Variants in SIK2 observed in about 807,000 individuals in gnomAD.
The protein encoded by SIK2 is serine/threonine-protein kinase SIK2.
In SIK2, 29 loss-of-function variants were observed where a neutral mutation model predicts 103.2. The ratio of observed to expected loss-of-function variants is 0.28; its 90% CI spans 0.21 to 0.38. The LOEUF is 0.38. SIK2 is among the 10% of genes least tolerant of loss of function. The probability of loss-of-function intolerance (pLI) is 1.00; values close to 1 mark genes in which losing one functional copy is unlikely to be tolerated. For missense variants in SIK2, 879 were observed against 1,171.0 expected, an observed-to-expected ratio of 0.75 and a Z score of 3.64; for synonymous variants, 412 against 446.1, an observed-to-expected ratio of 0.92 and a Z score of 0.96.
chr11:111,720,540 G>A lies in SIK2; in HGVS notation c.1558G>A (p.Gly520Arg). 1 of 1,613,964 alleles carries A rather than the reference G, an allele frequency of 6.2e-7. No homozygotes were observed. Among genetic ancestry groups the A allele is most frequent in the South Asian group, 1.1e-5 (1 of 91,038 alleles). ...LDSVDSEYDM[G>R]SVQRDLNFLE... ...CAGTGTGGACTCTGAGTATGATATG[G>A]GGTCTGTTCAGAGGGACCTGAACTT... The change falls in exon 11 of 15, where the codon GGG becomes AGG. Residue 520 changes from glycine to arginine, a missense_variant. Transcript: ENST00000304987.
chr11:111,641,085 A>G (rs1942176919), intron 3 of SIK2, among the ~76,000 whole-genome samples: 1 of 152,186 alleles, frequency 6.6e-6, no homozygotes, highest in South Asian at 2.1e-4. Flanking sequence ...CACTGCAGCA[A>G]CTTGACTCTT....
intron 2 of SIK2, among the ~76,000 whole-genome samples, chr11:111,619,297 T>C (rs1941850461): frequency 6.6e-6 from 1 of 152,250 alleles, no homozygotes; most frequent in Non-Finnish European, 1.5e-5. Flanking sequence ...TTCCTTTCAG[T>C]AGATAGCAGT....
intron 3 of SIK2, among the ~76,000 whole-genome samples, chr11:111,680,376 TG>T (rs1047000926): frequency 6.6e-6 from 1 of 152,204 alleles, no homozygotes; most frequent in Admixed American, 6.5e-5. Context: ...TGCAGATTTG[TG>T]GGTTAGGACC....
intron 4 of SIK2, among the ~76,000 whole-genome samples, chr11:111,692,537 G>GA (rs1184566952): frequency 1.3e-5 from 2 of 152,054 alleles, no homozygotes; most frequent in African/African-American, 2.4e-5. Context: ...AGAATGATAG[G>GA]AAAAAAGCCA....
chr11:111,617,867 C>A (rs978290357), intron 2 of SIK2, among the ~76,000 whole-genome samples: 1 of 151,710 alleles, frequency 6.6e-6, no homozygotes, highest in African/African-American at 2.4e-5. Context: ...TATATACACA[C>A]ACACACACAC....
chr11:111,730,767 T>A lies in SIK2; in HGVS notation c.*6638T>A, dbSNP rs1459479186. The A allele has an allele frequency of 6.6e-6, 1 of 152,226 alleles. No homozygotes were observed. The highest frequency in any genetic ancestry group is 1.5e-5 in the Non-Finnish European group (1 of 68,036). The allele number at this position is 152,226 out of a possible 1,614,324, so 9.4% of individuals were successfully genotyped here. ...ATAATCTCTGTACCAAATAGTAATT[T>A]AAATGGGGTAATTTTCTGCAAGGAA... On this transcript the variant is annotated 3_prime_UTR_variant, in exon 15 of 15. Transcript: ENST00000304987.
intron 3 of SIK2, among the ~76,000 whole-genome samples, chr11:111,657,165 C>G (rs2135868021): frequency 6.6e-6 from 1 of 152,234 alleles, no homozygotes; most frequent in South Asian, 2.1e-4. Context: ...TGAATTGGAA[C>G]TTGAAGGACT....
chr11:111,680,137 T>TG (rs1591613026), intron 3 of SIK2, among the ~76,000 whole-genome samples: 1 of 148,306 alleles, frequency 6.7e-6, no homozygotes, highest in East Asian at 2.0e-4. Context: ...AAAAAAGCAG[T>TG]GGGGGGCGTT....
rs547667095 is a variant in SIK2, at chr11:111,658,372, C to G, written c.317-29629C>G. On this transcript the variant is annotated intron_variant, in intron 3 of 14. Transcript: ENST00000304987. ...ACTCCTGACCTCGTGATCCACCCGT[C>G]TTGGCCTCCCACCAAAGTGCTGGGA... 1.1e-4 allele frequency among the ~76,000 whole-genome samples: 16 copies of G among 152,164 alleles called. 1 individual carries two copies. In the South Asian group the frequency reaches 3.3e-3, roughly 32 times the overall value.
rs964649796 is a variant in SIK2, at chr11:111,726,674, A to T, written c.*2545A>T. 4.7e-6 allele frequency: 2 copies of T among 423,824 alleles called. No homozygotes were observed. Among genetic ancestry groups the T allele is most frequent in the East Asian group, 8.7e-5 (2 of 22,956 alleles). 26.3% of individuals were successfully genotyped at this position (423,824 alleles called of 1,614,324 possible). ...CTGCTCTGTCCCTAACTAGTGACCC[A>T]TGGAAGCTTCCAAGCAGTTTTCTCT... On this transcript the variant is annotated 3_prime_UTR_variant, in exon 15 of 15. Coordinates refer to ENST00000304987, the MANE Select transcript of SIK2 (RefSeq NM_015191.3).
chr11:111,661,209 G>A (rs1378277468), intron 3 of SIK2, among the ~76,000 whole-genome samples: 2 of 152,154 alleles, frequency 1.3e-5, no homozygotes, highest in African/African-American at 2.4e-5. Context: ...GGAATATACT[G>A]CACTAGGTTA....
At chr11:111,631,047 T>G (rs779751901) in intron 3 of SIK2, among the ~76,000 whole-genome samples, 9 of 151,818 alleles carry the variant, frequency 5.9e-5, no homozygotes, top group Non-Finnish European at 1.0e-4. Flanking sequence ...CAAGAGACAA[T>G]GGGATTAAGG....
chr11:111,726,860 T>C lies in SIK2; in HGVS notation c.*2731T>C. 2.0e-6 allele frequency: 2 copies of C among 1,019,316 alleles called. No homozygotes were observed. The highest frequency in any genetic ancestry group is 3.0e-6 in the Non-Finnish European group (2 of 669,912). The allele number at this position is 1,019,316 out of a possible 1,614,324, so 63.1% of individuals were successfully genotyped here. A position where few individuals can be genotyped will look rare whatever the true frequency, so the allele number is the denominator to read the frequency against. On this transcript the variant is annotated 3_prime_UTR_variant, in exon 15 of 15. Transcript: ENST00000304987. ...CATCACCCTGTAAACCAGGCTCCTC[T>C]GAAGAGACTTTGGTGAGATGAACGT...
At chr11:111,707,296 G>A (rs1565377125) in intron 8 of SIK2, among the ~76,000 whole-genome samples, 1 of 152,168 alleles carries the variant, frequency 6.6e-6, no homozygotes, top group African/African-American at 2.4e-5. Context: ...TCCTGAGCAC[G>A]TGCATGTGTT....
chr11:111,677,402 GA>G (rs1942716712), intron 3 of SIK2, among the ~76,000 whole-genome samples: 1 of 151,816 alleles, frequency 6.6e-6, no homozygotes, highest in Non-Finnish European at 1.5e-5. Flanking sequence ...TTGAAGTACT[GA>G]TTAAAGTTGT....
chr11:111,691,861 T>C (rs1410866598), intron 4 of SIK2, among the ~76,000 whole-genome samples: 1 of 152,228 alleles, frequency 6.6e-6, no homozygotes, highest in Non-Finnish European at 1.5e-5. Context: ...AGCTTAACTC[T>C]GCTCTTACCT....
chr11:111,708,716 T>TG (rs1451054730), intron 8 of SIK2, among the ~76,000 whole-genome samples: 1 of 152,110 alleles, frequency 6.6e-6, no homozygotes, highest in East Asian at 1.9e-4. Flanking sequence ...CCCAAGTAGC[T>TG]GGGACCACAA....
rs201034668 is a variant in SIK2 at position 111,719,769 on chromosome 11, G to A, written c.1267-6G>A. On this transcript the variant is annotated splice_polypyrimidine_tract_variant and splice_region_variant and intron_variant, in intron 9 of 14. Coordinates refer to ENST00000304987, the MANE Select transcript of SIK2 (RefSeq NM_015191.3). Reference sequence around the variant, plus strand: ...AACTGAGTTTCCTCTCTCCCCTGGCGTTTAGGTCAATGGCTGTCTGCTTGA... The same window carrying A: ...AACTGAGTTTCCTCTCTCCCCTGGCATTTAGGTCAATGGCTGTCTGCTTGA... 9.7e-5 allele frequency: 157 copies of A among 1,611,762 alleles called. No homozygotes were observed. The highest frequency in any genetic ancestry group is 1.6e-4 in the Middle Eastern group (1 of 6,084).
chr11:111,653,477 A>C (rs1361032546), intron 3 of SIK2, among the ~76,000 whole-genome samples: 2 of 152,180 alleles, frequency 1.3e-5, no homozygotes, highest in Non-Finnish European at 2.9e-5. Flanking sequence ...AGGCAAGAAA[A>C]GAGAAGATCC....
Sources: allele counts gnomAD v4.1 joint callset (sites outside exome capture counted in the v4.1 genomes callset), GRCh38; gene constraint gnomAD v4.1.1; transcripts MANE v1.5; gene names NCBI Gene and HGNC (gene_info 2026-07-23, HGNC 2026-07-21).